The following RELN variants were observed in gnomAD, a reference collection of about 807,000 sequenced individuals.
The protein encoded by RELN is reelin.
A neutral mutation model predicts 427.6 loss-of-function variants in RELN; 108 were observed. That is an observed-to-expected ratio of 0.25 (90% confidence interval 0.22 to 0.30). RELN has a LOEUF of 0.30. Among genes scored for constraint, RELN ranks in the 10% least tolerant of loss-of-function variants. RELN has a pLI of 1.00. For synonymous variants in RELN, 1,524 were observed against 1,513.4 expected, an observed-to-expected ratio of 1.01 and a Z score of -0.16; for missense variants, 3,715 against 4,302.8, an observed-to-expected ratio of 0.86 and a Z score of 3.82.
chr7:103,490,826 C>G lies in RELN; in HGVS notation c.9447G>C (p.Ser3149=), dbSNP rs770503009. Residue 3149 remains serine, a synonymous_variant, in exon 59 of 65, where the codon TCG becomes TCC. Coordinates refer to ENST00000428762, the MANE Select transcript of RELN (RefSeq NM_005045.4). ...VMLEYTKDAR[S]DSWQLVQTQC... is the part of the protein sequence containing the mutation. ...GGGTCTGTACGAGCTGCCAGGAATC[C>G]GATCTGCAGAAACCAAAAGGCTTTG... The G allele has an allele frequency of 1.2e-6, 2 of 1,614,076 alleles. No individual in the cohort carries two copies. The highest frequency in any genetic ancestry group is 4.5e-5 in the East Asian group (2 of 44,890).
chr7:103,768,270 AT>A (rs1791474839), intron 4 of RELN, among the ~76,000 whole-genome samples: 1 of 152,124 alleles, frequency 6.6e-6, no homozygotes. Flanking sequence ...CAGACTAAAG[AT>A]GGAAAAACTC....
intron 16 of RELN, among the ~76,000 whole-genome samples, chr7:103,646,443 C>A (rs780639251): frequency 1.1e-4 from 17 of 151,840 alleles, no homozygotes; most frequent in Non-Finnish European, 2.2e-4. Context: ...GGAGACATTA[C>A]AACTGCTACC....
intron 5 of RELN, among the ~76,000 whole-genome samples, chr7:103,752,968 G>T (rs576438444): frequency 1.3e-5 from 2 of 152,268 alleles, no homozygotes; most frequent in East Asian, 1.9e-4. Context: ...AGGTGTGAAA[G>T]TTCCTGCATG....
intron 3 of RELN, among the ~76,000 whole-genome samples, chr7:103,798,735 G>GTGCA (rs1792371879): frequency 6.6e-6 from 1 of 152,122 alleles, no homozygotes; most frequent in Admixed American, 6.6e-5. Flanking sequence ...TTCTATCTAG[G>GTGCA]TGCATACCTC....
chr7:103,615,276 G>C (rs1487280433), intron 20 of RELN, among the ~76,000 whole-genome samples: 1 of 152,186 alleles, frequency 6.6e-6, no homozygotes, highest in Admixed American at 6.5e-5. Context: ...CTCCAAGAAG[G>C]CTAGTAGGCC....
intron 61 of RELN, 90 bp downstream of exon 61, chr7:103,486,107 G>T: frequency 8.2e-7 from 1 of 1,219,248 alleles, no homozygotes; most frequent in Non-Finnish European, 1.2e-6. Context: ...TCTGTGCCAT[G>T]AAGTTCACAA....
Position 103,496,036 on chromosome 7 carries a change from TAC to T in RELN, c.9194-140_9194-139del, listed in dbSNP as rs547333452. The T allele has an allele frequency of 1.1e-4, 93 of 876,134 alleles. 1 individual carries two copies. In the South Asian group the frequency reaches 1.3e-3, roughly 12 times the overall value. The allele number at this position is 876,134 out of a possible 1,614,324, so 54.3% of individuals were successfully genotyped here. On this transcript the variant is annotated intron_variant, in intron 56 of 64. Coordinates refer to ENST00000428762, the MANE Select transcript of RELN (RefSeq NM_005045.4). ...TTTTATGCTCTACTAGCTTTCTGCT[TAC>T]ACTTTAGGATTGATTTTTATTTTAT...
chr7:103,861,350 T>C (rs1794067425), intron 2 of RELN, among the ~76,000 whole-genome samples: 1 of 152,168 alleles, frequency 6.6e-6, no homozygotes. Flanking sequence ...TATTGCATTA[T>C]TATCAGTTTG....
intron 16 of RELN, among the ~76,000 whole-genome samples, chr7:103,641,431 G>A (rs932779944): frequency 1.3e-5 from 2 of 152,178 alleles, no homozygotes; most frequent in Admixed American, 1.3e-4. Flanking sequence ...AACAGGTGGA[G>A]TAATTCAAAT....
intron 3 of RELN, among the ~76,000 whole-genome samples, chr7:103,817,059 C>T (rs1792891277): frequency 6.6e-6 from 1 of 152,082 alleles, no homozygotes; most frequent in Non-Finnish European, 1.5e-5. Flanking sequence ...ACCATATTGG[C>T]CAGACTGGTC....
At chr7:103,723,260 G>C (rs1179029434) in intron 7 of RELN, 69 bp from the exon 8 acceptor site, 2 of 922,804 alleles carry the variant, frequency 2.2e-6, no homozygotes, top group Non-Finnish European at 1.8e-6. Flanking sequence ...ATGCTGGGAG[G>C]GGTACGGGGA....
intron 19 of RELN, among the ~76,000 whole-genome samples, chr7:103,632,063 C>T (rs1169417141): frequency 6.6e-6 from 1 of 152,108 alleles, no homozygotes; most frequent in Non-Finnish European, 1.5e-5. Flanking sequence ...ATTTCCCAAG[C>T]AACTTTTAAG....
chr7:103,590,569 T>A (rs201985362), intron 27 of RELN, among the ~76,000 whole-genome samples: 4 of 23,664 alleles, frequency 1.7e-4, no homozygotes, highest in African/African-American at 7.8e-4. Context: ...CAACAATAAA[T>A]AAATAAATAA....
At chr7:103,752,986 C>T (rs904567933) in intron 5 of RELN, among the ~76,000 whole-genome samples, 196 bp downstream of exon 5, 2 of 152,120 alleles carry the variant, frequency 1.3e-5, no homozygotes, top group Admixed American at 6.6e-5. Flanking sequence ...ATGAGCCCCC[C>T]GCTGGGCAGC....
At chr7:103,504,214 G>T (rs1829132774) in intron 51 of RELN, among the ~76,000 whole-genome samples, 1 of 152,030 alleles carries the variant, frequency 6.6e-6, no homozygotes, top group Admixed American at 6.6e-5. Context: ...AGAAAAAAAG[G>T]TCTTATTTCA....
intron 60 of RELN, 42 bp from the exon 61 acceptor site, chr7:103,486,458 CAG>C (rs1324078189): frequency 2.1e-6 from 3 of 1,423,376 alleles, no homozygotes; most frequent in African/African-American, 2.8e-5. Context: ...GTGGACCAAC[CAG>C]AGTCATTCAA....
intron 61 of RELN, 56 bp from the exon 62 acceptor site, chr7:103,483,906 G>A: frequency 2.0e-6 from 3 of 1,505,922 alleles, no homozygotes; most frequent in Non-Finnish European, 2.7e-6. Context: ...TTGAGATGGA[G>A]TCTTGCTCTG....
intron 22 of RELN, among the ~76,000 whole-genome samples, chr7:103,606,072 A>T (rs191134156): frequency 2.6e-4 from 39 of 152,350 alleles, no homozygotes; most frequent in African/African-American, 9.4e-4. Flanking sequence ...TAGATGCATT[A>T]TCTTAGAGCA....
chr7:103,739,009 T>G (rs562856096), intron 6 of RELN, among the ~76,000 whole-genome samples: 1 of 152,150 alleles, frequency 6.6e-6, no homozygotes, highest in Non-Finnish European at 1.5e-5. Flanking sequence ...CTTAAAATTT[T>G]TGAGATTCAT....
Sources: allele counts gnomAD v4.1 joint callset (sites outside exome capture counted in the v4.1 genomes callset), GRCh38; gene constraint gnomAD v4.1.1; transcripts MANE v1.5; gene names NCBI Gene and HGNC (gene_info 2026-07-23, HGNC 2026-07-21).